Variants in PIP5K1B observed in about 807,000 individuals in gnomAD.
The protein encoded by PIP5K1B is phosphatidylinositol 4-phosphate 5-kinase type-1 beta.
In PIP5K1B, 42 loss-of-function variants were observed where a neutral mutation model predicts 67.0. The observed-to-expected ratio is 0.63, with a 90% CI of 0.49 to 0.81. The LOEUF is 0.81. Ranked by LOEUF, PIP5K1B falls within the 30% of genes least tolerant of loss-of-function variation. The probability of loss-of-function intolerance (pLI) is 0.00; values close to 1 mark genes in which losing one functional copy is unlikely to be tolerated. For synonymous variants in PIP5K1B, 214 were observed against 231.4 expected, an observed-to-expected ratio of 0.92 and a Z score of 0.68; for missense variants, 459 against 646.3, an observed-to-expected ratio of 0.71 and a Z score of 3.14.
chr9:68,925,648 A>G (rs1341151266), intron 12 of PIP5K1B, among the ~76,000 whole-genome samples: 1 of 151,780 alleles, frequency 6.6e-6, no homozygotes, highest in Non-Finnish European at 1.5e-5. Context: ...TTTCTTCCAC[A>G]TTTGACTCTC....
chr9:68,976,390 C>A (rs766584831), intron 14 of PIP5K1B, among the ~76,000 whole-genome samples: 6 of 152,180 alleles, frequency 3.9e-5, no homozygotes, highest in Non-Finnish European at 7.3e-5. Context: ...AATCCAAACT[C>A]CTGATTTTTA....
intron 2 of PIP5K1B, among the ~76,000 whole-genome samples, chr9:68,817,667 CTG>C (rs1460755389): frequency 6.7e-6 from 1 of 149,214 alleles, no homozygotes; most frequent in African/African-American, 2.5e-5. Flanking sequence ...AACAAACAGA[CTG>C]TTTATATTGG....
At chr9:68,978,164 C>T (rs1282801016) in intron 14 of PIP5K1B, among the ~76,000 whole-genome samples, 3 of 152,160 alleles carry the variant, frequency 2.0e-5, no homozygotes, top group Non-Finnish European at 2.9e-5. Context: ...TTAAGATCAA[C>T]TCTTCTAGCA....
intron 2 of PIP5K1B, among the ~76,000 whole-genome samples, chr9:68,743,502 A>C (rs1829121182): frequency 6.6e-6 from 1 of 152,186 alleles, no homozygotes; most frequent in African/African-American, 2.4e-5. Flanking sequence ...GCTTGGCCCA[A>C]AATGTCTTTT....
intron 14 of PIP5K1B, among the ~76,000 whole-genome samples, chr9:68,957,214 G>A (rs1252239378): frequency 1.3e-5 from 2 of 151,478 alleles, no homozygotes; most frequent in East Asian, 3.9e-4. Flanking sequence ...AGGGACTTCT[G>A]CAGGAAGGAA....
chr9:69,007,550 C>G (rs1831135378), intron 15 of PIP5K1B, among the ~76,000 whole-genome samples: 1 of 152,102 alleles, frequency 6.6e-6, no homozygotes, highest in East Asian at 1.9e-4. Context: ...GCATAATATT[C>G]TACAGATGAA....
At chr9:68,894,255 T>A (rs1177529057) in intron 7 of PIP5K1B, 84 bp from the exon 8 acceptor site, 1 of 844,704 alleles carries the variant, frequency 1.2e-6, no homozygotes, top group East Asian at 2.6e-5. Flanking sequence ...AATTATTATA[T>A]CAGCATGAAA....
At chr9:68,901,026 TCAGA>T (rs762138121) in intron 8 of PIP5K1B, among the ~76,000 whole-genome samples, 1 of 152,334 alleles carries the variant, frequency 6.6e-6, no homozygotes, top group East Asian at 1.9e-4. Context: ...TACATTTTGT[TCAGA>T]CAGTTTATTT....
chr9:68,902,274 A>T (rs1022924990), intron 8 of PIP5K1B, among the ~76,000 whole-genome samples: 12 of 152,176 alleles, frequency 7.9e-5, no homozygotes, highest in African/African-American at 2.9e-4. Flanking sequence ...TCCTTCCCTC[A>T]CAACTCTTCC....
chr9:68,742,615 T>C lies in PIP5K1B; in HGVS notation c.-128T>C, dbSNP rs1829067880. On this transcript the variant is annotated 5_prime_UTR_variant, in exon 2 of 16. Transcript: ENST00000265382. ...CTCAGCATTTGAGGGCCTTTTCTCTTCCTGCTTCATCTCTAAAGGTCCTTC... is the reference window on the plus strand; with the variant it reads ...CTCAGCATTTGAGGGCCTTTTCTCTCCCTGCTTCATCTCTAAAGGTCCTTC... 6.6e-6 allele frequency: 1 copy of C among 152,264 alleles called. No homozygotes were observed. Among genetic ancestry groups the C allele is most frequent in the Admixed American group, 6.5e-5 (1 of 15,284 alleles). The allele number at this position is 152,264 out of a possible 1,614,324, so 9.4% of individuals were successfully genotyped here. A position where few individuals can be genotyped will look rare whatever the true frequency, so the allele number is the denominator to read the frequency against.
At chr9:68,706,472 C>T (rs1827131880) in intron 1 of PIP5K1B, among the ~76,000 whole-genome samples, 1 of 152,310 alleles carries the variant, frequency 6.6e-6, no homozygotes, top group Non-Finnish European at 1.5e-5. Flanking sequence ...TCCCCCCCAA[C>T]CCCCAGCTCT....
At chr9:68,747,327 C>T (rs1829366474) in intron 2 of PIP5K1B, among the ~76,000 whole-genome samples, 1 of 150,972 alleles carries the variant, frequency 6.6e-6, no homozygotes, top group Non-Finnish European at 1.5e-5. Flanking sequence ...TGCTTAATTA[C>T]TGTCTGTTGA....
At chr9:68,736,386 C>A (rs1828738390) in intron 1 of PIP5K1B, among the ~76,000 whole-genome samples, 1 of 152,150 alleles carries the variant, frequency 6.6e-6, no homozygotes, top group Admixed American at 6.5e-5. Context: ...TGTATTTTAA[C>A]ATTTTTTTTC....
In PIP5K1B at chr9:68,805,214, G is replaced by T. The variant is rs540372449; in HGVS notation, c.-85-13247G>T. Among the ~76,000 whole-genome samples the T allele has an allele frequency of 2.6e-5, 4 of 152,328 alleles. No individual in the cohort carries two copies. The East Asian group carries it at 5.8e-4, about 22-fold the overall frequency. On this transcript the variant is annotated intron_variant, in intron 2 of 15. Transcript: ENST00000265382. ...ACACTTGAGAGGGAGCATGTGGGGC[G>T]CAGGGGGCCCTGTGTGTAGAGGCTC...
intron 8 of PIP5K1B, among the ~76,000 whole-genome samples, chr9:68,895,524 T>A (rs981884099): frequency 1.3e-5 from 2 of 152,062 alleles, no homozygotes; most frequent in Non-Finnish European, 2.9e-5. Context: ...GAGACACTTC[T>A]CTGCCAGACC....
chr9:68,889,263 A>T, intron 7 of PIP5K1B, 130 bp downstream of exon 7: 1 of 676,698 alleles, frequency 1.5e-6, no homozygotes, highest in Non-Finnish European at 2.5e-6. Context: ...TCTGCATTTA[A>T]ATTATGCTAT....
intron 14 of PIP5K1B, among the ~76,000 whole-genome samples, chr9:68,984,836 C>G (rs368549600): frequency 6.6e-6 from 1 of 152,278 alleles, no homozygotes; most frequent in East Asian, 1.9e-4. Flanking sequence ...GGCACATTTG[C>G]GTACACTACT....
intron 15 of PIP5K1B, among the ~76,000 whole-genome samples, chr9:69,006,153 G>A (rs1035300244): frequency 6.6e-6 from 1 of 152,092 alleles, no homozygotes; most frequent in African/African-American, 2.4e-5. Context: ...GATTATAGAC[G>A]TGACCCATCA....
intron 12 of PIP5K1B, among the ~76,000 whole-genome samples, chr9:68,930,821 T>C (rs1204826054): frequency 6.6e-6 from 1 of 152,086 alleles, no homozygotes; most frequent in Non-Finnish European, 1.5e-5. Flanking sequence ...GTGCCCAAAG[T>C]CCTTAACTTT....
Sources: gnomAD v4.1 joint callset for allele counts (sites outside exome capture counted in the v4.1 genomes callset) on GRCh38, gnomAD v4.1.1 for gene constraint, MANE v1.5 for transcripts, NCBI Gene and HGNC (gene_info 2026-07-23, HGNC 2026-07-21) for gene names.